Variants in POLA2 observed in about 807,000 individuals in gnomAD.
POLA2 encodes the protein DNA polymerase alpha 2, accessory subunit.
POLA2 carries 47 observed loss-of-function variants against 82.8 expected under a neutral mutation model. That is an observed-to-expected ratio of 0.57 (90% CI 0.45 to 0.72). The LOEUF (loss-of-function observed/expected upper bound fraction) is 0.72, where lower values mean the gene tolerates loss of function less well. POLA2 is among the 30% of genes least tolerant of loss of function. POLA2 has a pLI of 0.00. For synonymous variants in POLA2, 287 were observed against 286.8 expected, an observed-to-expected ratio of 1.00 and a Z score of -0.01; for missense variants, 634 against 728.1, an observed-to-expected ratio of 0.87 and a Z score of 1.49.
chr11:65,270,326 AG>A (rs1949509288), intron 4 of POLA2, among the ~76,000 whole-genome samples: 1 of 152,222 alleles, frequency 6.6e-6, no homozygotes. Flanking sequence ...GCTGCTCTAC[AG>A]CCTGGATGAC....
chr11:65,288,651 T>A (rs1433343987), intron 11 of POLA2, among the ~76,000 whole-genome samples: 1 of 151,888 alleles, frequency 6.6e-6, no homozygotes, highest in East Asian at 1.9e-4. Flanking sequence ...TCCGAATAGC[T>A]TGGACTACAG....
intron 13 of POLA2, among the ~76,000 whole-genome samples, chr11:65,292,143 G>T (rs1399902035): frequency 6.6e-6 from 1 of 152,180 alleles, no homozygotes; most frequent in Non-Finnish European, 1.5e-5. Flanking sequence ...GGAGGCTGAG[G>T]CAGAATTGCT....
chr11:65,262,430 C>T lies in POLA2; in HGVS notation c.79+59C>T, dbSNP rs1949409745. On this transcript the variant is annotated intron_variant, in intron 1 of 17. Transcript: ENST00000265465. ...GCTCCACGCTCTCGCCCGAGTTCCTCGGCGCCTAGAACCGAAAGTGGAGCG... is the reference window on the plus strand; with the variant it reads ...GCTCCACGCTCTCGCCCGAGTTCCTTGGCGCCTAGAACCGAAAGTGGAGCG... 22 of 1,444,594 alleles carry T rather than the reference C, an allele frequency of 1.5e-5. No individual in the cohort carries two copies. In the South Asian group the frequency reaches 2.3e-4, roughly 15 times the overall value. 89.5% of individuals were successfully genotyped at this position (1,444,594 alleles called of 1,614,324 possible). A position where few individuals can be genotyped will look rare whatever the true frequency, so the allele number is the denominator to read the frequency against.
chr11:65,288,519 T>TG (rs1555022330), intron 11 of POLA2, among the ~76,000 whole-genome samples: 6 of 148,144 alleles, frequency 4.1e-5, no homozygotes, highest in Non-Finnish European at 7.5e-5. Flanking sequence ...TTTGTTTTTT[T>TG]TTTTTTTTTT....
chr11:65,281,267 GCACATGCCCCAGAGCAGA>G (rs1949638449), intron 8 of POLA2, 120 bp downstream of exon 8: 3 of 1,052,844 alleles, frequency 2.8e-6, no homozygotes, highest in Non-Finnish European at 4.2e-6. Context: ...TGCAGCTGGA[GCACATGCCCCAGAGCAGA>G]CACCACTGTT....
At chr11:65,268,185 C>A (rs1949482498) in intron 3 of POLA2, among the ~76,000 whole-genome samples, 1 of 151,964 alleles carries the variant, frequency 6.6e-6, no homozygotes, top group Non-Finnish European at 1.5e-5. Flanking sequence ...GAGAAAATCT[C>A]TTGAACCTGG....
chr11:65,303,718 T>G (rs1168469487), intron 8 of POLA2, among the ~76,000 whole-genome samples: 1 of 152,148 alleles, frequency 6.6e-6, no homozygotes, highest in Non-Finnish European at 1.5e-5. Context: ...TAGACAGTGC[T>G]TGGCACATAG....
At chr11:65,295,053 A>G (rs997246398) in intron 15 of POLA2, among the ~76,000 whole-genome samples, 1 of 152,210 alleles carries the variant, frequency 6.6e-6, no homozygotes, top group Non-Finnish European at 1.5e-5. Flanking sequence ...CACTACCAGT[A>G]CAACATCCAG....
intron 10 of POLA2, among the ~76,000 whole-genome samples, chr11:65,283,476 CT>C (rs377428812): frequency 4.0e-4 from 59 of 146,404 alleles, no homozygotes; most frequent in Admixed American, 4.1e-4. Flanking sequence ...AAATAACTTC[CT>C]TTTTTTTTTT....
intron 4 of POLA2, among the ~76,000 whole-genome samples, chr11:65,273,011 C>CAA (rs537778442): frequency 2.3e-5 from 3 of 129,568 alleles, no homozygotes; most frequent in African/African-American, 8.5e-5. Context: ...AACTCCATCT[C>CAA]AAAAAAAAAA....
At chr11:65,294,733 G>A in intron 15 of POLA2, 81 bp downstream of exon 15, 1 of 943,958 alleles carries the variant, frequency 1.1e-6, no homozygotes, top group South Asian at 1.5e-5. Context: ...AAATCAAGGG[G>A]CTGCTTAACG....
At chr11:65,267,022 G>A (rs529495589) in intron 2 of POLA2, among the ~76,000 whole-genome samples, 1 of 152,200 alleles carries the variant, frequency 6.6e-6, no homozygotes, top group East Asian at 1.9e-4. Context: ...CCTGGCCAAC[G>A]TGGTGAAACC....
intron 10 of POLA2, among the ~76,000 whole-genome samples, chr11:65,284,595 GGCT>G (rs1294856953): frequency 4.0e-5 from 6 of 150,386 alleles, no homozygotes; most frequent in African/African-American, 1.5e-4. Context: ...GCGCCATCTC[GGCT>G]CACCGCAACC....
exon 9 of POLA2, chr11:65,305,414 C>T (rs933083863): frequency 2.9e-5 from 13 of 456,066 alleles, no homozygotes; most frequent in Non-Finnish European, 5.3e-5. Flanking sequence ...TAGGTGGAAA[C>T]CAGGGGCTGG....
chr11:65,282,672 T>C, intron 10 of POLA2, 151 bp downstream of exon 10: 1 of 694,512 alleles, frequency 1.4e-6, no homozygotes, highest in East Asian at 2.6e-5. Context: ...AGTTCGTAGG[T>C]TTTTTGTCAC....
chr11:65,264,660 A>G (rs1306949142), intron 1 of POLA2, among the ~76,000 whole-genome samples: 1 of 152,184 alleles, frequency 6.6e-6, no homozygotes, highest in Non-Finnish European at 1.5e-5. Context: ...TCACTGACCC[A>G]TATCTGTGGC....
chr11:65,271,922 A>G (rs677740), intron 4 of POLA2, among the ~76,000 whole-genome samples: 129,001 of 151,698 alleles, frequency 0.85, 55,340 homozygotes, highest in South Asian at 0.92. Flanking sequence ...CAATATGTCC[A>G]GGCTAGAGAT....
In POLA2 at chr11:65,268,736, A is replaced by ATT; in HGVS notation, c.354+7_354+8insTT. 5.8e-6 allele frequency: 9 copies of ATT among 1,561,744 alleles called. No individual in the cohort carries two copies. Among genetic ancestry groups the ATT allele is most frequent in the Non-Finnish European group, 5.2e-6 (6 of 1,147,546 alleles). The stretch of plus-strand genomic sequence containing the variant: ...TTACACCACACCTTCAAAGGTAAGT[A>ATT]AACAGTGTTTGGACATTGCATTTTA... On this transcript the variant is annotated splice_region_variant and intron_variant, in intron 4 of 17. Coordinates refer to ENST00000265465, the MANE Select transcript of POLA2 (RefSeq NM_002689.4).
intron 14 of POLA2, 106 bp from the exon 15 acceptor site, chr11:65,294,440 T>G: frequency 1.9e-6 from 2 of 1,049,008 alleles, no homozygotes; most frequent in South Asian, 1.4e-5. Context: ...GTTGGTTTGG[T>G]CCCCCTTTCC....
Sources: allele counts gnomAD v4.1 joint callset (sites outside exome capture counted in the v4.1 genomes callset), GRCh38; gene constraint gnomAD v4.1.1; transcripts MANE v1.5; gene names NCBI Gene and HGNC (gene_info 2026-07-23, HGNC 2026-07-21).